ADARB2: variants seen among roughly 807,000 people sequenced by gnomAD.
The protein encoded by ADARB2 is inactive double-stranded RNA-specific editase B2.
In ADARB2, 25 loss-of-function variants were observed where a neutral mutation model predicts 62.2. That is an observed-to-expected ratio of 0.40 (90% CI 0.29 to 0.56). ADARB2 has a LOEUF of 0.56. Ranked by LOEUF, ADARB2 falls within the 20% of genes least tolerant of loss-of-function variation. ADARB2 has a pLI of 0.43. For synonymous variants in ADARB2, 572 were observed against 500.8 expected, an observed-to-expected ratio of 1.14 and a Z score of -1.90; for missense variants, 1,071 against 1,077.4, an observed-to-expected ratio of 0.99 and a Z score of 0.08.
intron 1 of ADARB2, among the ~76,000 whole-genome samples, chr10:1,668,832 G>A (rs572323992): frequency 1.5e-4 from 23 of 152,302 alleles, no homozygotes; most frequent in African/African-American, 2.9e-4. Context: ...CAGTCCTCCC[G>A]TTGTGCTGCT....
chr10:1,198,543 G>C (rs1392829), intron 8 of ADARB2, among the ~76,000 whole-genome samples: 119,213 of 151,898 alleles, frequency 0.78, 46,726 homozygotes, highest in Admixed American at 0.8. Flanking sequence ...ATTTGCATCT[G>C]CAAAATAATG....
intron 9 of ADARB2, 60 bp downstream of exon 9, chr10:1,184,801 C>G: frequency 1.3e-6 from 2 of 1,562,302 alleles, no homozygotes; most frequent in South Asian, 1.2e-5. Flanking sequence ...AGAGCTTGCT[C>G]AGGGCTGGAG....
intron 1 of ADARB2, among the ~76,000 whole-genome samples, chr10:1,399,110 T>C (rs1296619529): frequency 6.6e-6 from 1 of 152,114 alleles, no homozygotes; most frequent in Non-Finnish European, 1.5e-5. Context: ...CAGGGACTGG[T>C]TATTTTGTCC....
intron 6 of ADARB2, among the ~76,000 whole-genome samples, chr10:1,217,950 C>T (rs952097438): frequency 4.6e-5 from 7 of 152,240 alleles, no homozygotes; most frequent in African/African-American, 1.2e-4. Context: ...TGACACCCCC[C>T]GCCCCCCTAT....
chr10:1,407,606 G>A (rs938137231), intron 1 of ADARB2, among the ~76,000 whole-genome samples: 3 of 152,168 alleles, frequency 2.0e-5, no homozygotes, highest in African/African-American at 7.2e-5. Flanking sequence ...CAGGAGTCCC[G>A]GCTGCCCTTC....
intron 1 of ADARB2, among the ~76,000 whole-genome samples, chr10:1,573,399 G>A (rs1832966570): frequency 6.6e-6 from 1 of 152,204 alleles, no homozygotes; most frequent in Non-Finnish European, 1.5e-5. Flanking sequence ...TCATGTCACA[G>A]AAGAGCTTGG....
At chr10:1,521,963 G>A (rs957660848) in intron 1 of ADARB2, among the ~76,000 whole-genome samples, 2 of 152,144 alleles carry the variant, frequency 1.3e-5, no homozygotes, top group African/African-American at 2.4e-5. Context: ...GTCGTGGGCC[G>A]GGTCACCCAT....
intron 1 of ADARB2, among the ~76,000 whole-genome samples, chr10:1,658,547 A>T (rs781349467): frequency 2.6e-5 from 4 of 151,112 alleles, no homozygotes; most frequent in Non-Finnish European, 5.9e-5. Context: ...TCTGTCTCTG[A>T]TTCTCTCTGT....
At chr10:1,213,220 CAGAG>C (rs577609548) in intron 7 of ADARB2, among the ~76,000 whole-genome samples, 1 of 151,756 alleles carries the variant, frequency 6.6e-6, no homozygotes, top group Non-Finnish European at 1.5e-5. Flanking sequence ...GATGGGCACA[CAGAG>C]AAAGAGACAG....
intron 1 of ADARB2, among the ~76,000 whole-genome samples, chr10:1,568,279 T>TGCCAGGAAACGCTCAGCGGGGAGGCG (rs1219061797): frequency 6.6e-6 from 1 of 152,138 alleles, no homozygotes; most frequent in Non-Finnish European, 1.5e-5. Flanking sequence ...GGACCACGGC[T>TGCCAGGAAACGCTCAGCGGGGAGGCG]GCCAGGAAAC....
At chr10:1,384,433 T>G (rs920106262) in intron 1 of ADARB2, among the ~76,000 whole-genome samples, 2 of 152,136 alleles carry the variant, frequency 1.3e-5, no homozygotes, top group African/African-American at 4.8e-5. Flanking sequence ...CACATCACAG[T>G]CCTAGAAAGG....
intron 8 of ADARB2, among the ~76,000 whole-genome samples, chr10:1,190,076 G>A (rs1381255247): frequency 6.6e-6 from 1 of 152,062 alleles, no homozygotes; most frequent in South Asian, 2.1e-4. Flanking sequence ...CTCAGAAAAC[G>A]TGAGCATCAG....
At chr10:1,256,404 G>C (rs1255193642) in intron 4 of ADARB2, among the ~76,000 whole-genome samples, 1 of 152,158 alleles carries the variant, frequency 6.6e-6, no homozygotes, top group African/African-American at 2.4e-5. Context: ...GAGGTCAGGG[G>C]GCCACACACC....
At chr10:1,529,963 G>A (rs941803095) in intron 1 of ADARB2, among the ~76,000 whole-genome samples, 1 of 151,356 alleles carries the variant, frequency 6.6e-6, no homozygotes, top group African/African-American at 2.4e-5. Context: ...GCCACTGTGG[G>A]CACCCATCCA....
chr10:1,720,090 G>A (rs1835071540), intron 1 of ADARB2, among the ~76,000 whole-genome samples: 1 of 152,122 alleles, frequency 6.6e-6, no homozygotes, highest in Admixed American at 6.5e-5. Flanking sequence ...GTTCATCGCA[G>A]CACTATTCAC....
chr10:1,584,868 T>C (rs1833153807), intron 1 of ADARB2, among the ~76,000 whole-genome samples: 2 of 152,180 alleles, frequency 1.3e-5, no homozygotes, highest in African/African-American at 4.8e-5. Context: ...CTACATCCTG[T>C]AGGAGTCCAT....
rs1275732202 is a variant in ADARB2 at position 1,358,961 on chromosome 10, AAG to A, written c.1077+4065_1077+4066del. 2.0e-5 allele frequency among the ~76,000 whole-genome samples: 3 copies of A among 152,342 alleles called. No homozygotes were observed. In the East Asian group the frequency reaches 5.8e-4, roughly 29 times the overall value. ...CTCCTTTCTAAATAGTTTTCACAGA[AAG>A]AAAATGCTGAAAAGCATTCCTTTAT... On this transcript the variant is annotated intron_variant, in intron 3 of 9. Coordinates refer to ENST00000381312, the MANE Select transcript of ADARB2 (RefSeq NM_018702.4).
intron 1 of ADARB2, among the ~76,000 whole-genome samples, chr10:1,589,431 G>T (rs1833221150): frequency 6.6e-6 from 1 of 151,780 alleles, no homozygotes; most frequent in African/African-American, 2.4e-5. Context: ...GGCATCCATG[G>T]TCGGGGTGTC....
At position 1,255,154 on chromosome 10, in the gene ADARB2, G is replaced by C. The variant is rs1274028373; in HGVS notation, c.1193-12855C>G. ...GGGGCCAATGCTCTGAGCTCCTCAT[G>C]GGGCCAAAACATGAGGGAGTGCTTG... is the stretch of plus-strand genomic sequence containing the variant. On this transcript the variant is annotated intron_variant, in intron 4 of 9. Coordinates refer to ENST00000381312, the MANE Select transcript of ADARB2 (RefSeq NM_018702.4). This position sits in a 1 kb window ranked among gnomAD's most constrained non-coding sequence, Gnocchi z 4.7. Among the ~76,000 whole-genome samples the C allele has an allele frequency of 6.6e-6, 1 of 152,252 alleles. No individual in the cohort carries two copies. Among genetic ancestry groups the C allele is most frequent in the Non-Finnish European group, 1.5e-5 (1 of 68,048 alleles).
Sources: allele counts gnomAD v4.1 joint callset (sites outside exome capture counted in the v4.1 genomes callset), GRCh38; gene constraint gnomAD v4.1.1; non-coding constraint Gnocchi (gnomAD v3.1); transcripts MANE v1.5; gene names NCBI Gene and HGNC (gene_info 2026-07-23, HGNC 2026-07-21).